ENPP2: variants seen among roughly 807,000 people sequenced by gnomAD.
ENPP2 encodes autotaxin.
A neutral mutation model predicts 120.2 loss-of-function variants in ENPP2; 51 were observed. The observed-to-expected ratio is 0.42, with a 90% CI of 0.34 to 0.54. ENPP2 has a LOEUF of 0.54. ENPP2 is among the 20% of genes least tolerant of loss of function. The pLI is 0.04. For missense variants in ENPP2, 920 were observed against 1,066.5 expected (o/e 0.86, Z 1.91); for synonymous variants, 365 against 366.4 (o/e 1.00, Z 0.04).
At chr8:119,631,983 C>T (rs940855586) in intron 2 of ENPP2, among the ~76,000 whole-genome samples, 1 of 152,168 alleles carries the variant, frequency 6.6e-6, no homozygotes, top group Non-Finnish European at 1.5e-5. Context: ...TTTCCAGGCT[C>T]GCCCAAGCCA....
At chr8:119,647,283 C>CT (rs1817498624) in intron 1 of ENPP2, among the ~76,000 whole-genome samples, 1 of 152,204 alleles carries the variant, frequency 6.6e-6, no homozygotes, top group African/African-American at 2.4e-5. Flanking sequence ...GGGTGAGCCA[C>CT]TGCGCCCAGC....
At chr8:119,633,634 T>C (rs1816816245) in intron 2 of ENPP2, among the ~76,000 whole-genome samples, 1 of 152,004 alleles carries the variant, frequency 6.6e-6, no homozygotes, top group Non-Finnish European at 1.5e-5. Context: ...CTGGTCATAC[T>C]TTTTTCGTAT....
At chr8:119,559,126 G>T (rs887868357) in intron 24 of ENPP2, among the ~76,000 whole-genome samples, 1 of 152,202 alleles carries the variant, frequency 6.6e-6, no homozygotes, top group South Asian at 2.1e-4. Context: ...AGATCTCTGC[G>T]ATTCACAGGA....
chr8:119,665,300 G>T (rs1818037433), intron 1 of ENPP2, among the ~76,000 whole-genome samples: 1 of 152,136 alleles, frequency 6.6e-6, no homozygotes, highest in Non-Finnish European at 1.5e-5. Context: ...CCCAAAGCCT[G>T]CTTCTCCTCA....
intron 1 of ENPP2, among the ~76,000 whole-genome samples, chr8:119,645,574 C>T (rs1817420405): frequency 6.6e-6 from 1 of 152,126 alleles, no homozygotes; most frequent in South Asian, 2.1e-4. Context: ...CCTGTAATCC[C>T]AGTACTTTGG....
At chr8:119,618,760 C>T (rs111683906) in intron 5 of ENPP2, among the ~76,000 whole-genome samples, 1,543 of 151,820 alleles carry the variant, frequency 0.01, 5 homozygotes, top group Non-Finnish European at 0.015. Context: ...GTCTCAAACT[C>T]CTGACCTCAA....
intron 15 of ENPP2, among the ~76,000 whole-genome samples, chr8:119,584,478 C>T (rs1812970158): frequency 6.6e-6 from 1 of 152,026 alleles, no homozygotes; most frequent in Non-Finnish European, 1.5e-5. Flanking sequence ...GATGTCTCAC[C>T]TATTATATAC....
At chr8:119,659,937 C>T (rs929516292) in intron 1 of ENPP2, among the ~76,000 whole-genome samples, 2 of 152,122 alleles carry the variant, frequency 1.3e-5, no homozygotes, top group African/African-American at 2.4e-5. Flanking sequence ...GGTTCAGGGT[C>T]CAGCAATCAC....
intron 23 of ENPP2, 83 bp downstream of exon 23, chr8:119,564,740 C>G: frequency 8.3e-7 from 1 of 1,200,812 alleles, no homozygotes. Flanking sequence ...CATCTCTTCT[C>G]TAGTATATGA....
intron 2 of ENPP2, among the ~76,000 whole-genome samples, chr8:119,627,268 A>G (rs2130781145): frequency 6.6e-6 from 1 of 152,338 alleles, no homozygotes; most frequent in East Asian, 1.9e-4. Context: ...TGTTTTACAA[A>G]TACAAGCTCT....
At chr8:119,659,266 G>A (rs1205598410) in intron 1 of ENPP2, among the ~76,000 whole-genome samples, 1 of 144,470 alleles carries the variant, frequency 6.9e-6, no homozygotes, top group Non-Finnish European at 1.5e-5. Context: ...GCAGTGAACC[G>A]AGGTGGTGCC....
intron 1 of ENPP2, among the ~76,000 whole-genome samples, chr8:119,656,014 C>T (rs1817757220): frequency 6.6e-6 from 1 of 152,214 alleles, no homozygotes; most frequent in African/African-American, 2.4e-5. Context: ...TTGCTCCCAG[C>T]TGCAGGTTGG....
chr8:119,614,098 G>A (rs754640966), intron 8 of ENPP2, among the ~76,000 whole-genome samples: 10 of 128,526 alleles, frequency 7.8e-5, no homozygotes, highest in South Asian at 2.5e-4. Flanking sequence ...ATGGAGTCTC[G>A]CACTGTCACC....
At chr8:119,577,107 G>A (rs1041738422) in intron 19 of ENPP2, among the ~76,000 whole-genome samples, 1 of 152,130 alleles carries the variant, frequency 6.6e-6, no homozygotes, top group African/African-American at 2.4e-5. Flanking sequence ...CATTAAAACA[G>A]TCACATATAA....
At chr8:119,640,905 C>A (rs1047576836), upstream of ENPP2, among the ~76,000 whole-genome samples, 1 of 152,082 alleles carries the variant, frequency 6.6e-6, no homozygotes, top group African/African-American at 2.4e-5. Flanking sequence ...TGCCAACACG[C>A]CTGGCTAATT....
intron 2 of ENPP2, among the ~76,000 whole-genome samples, chr8:119,634,477 T>C (rs536934720): frequency 2.0e-5 from 3 of 152,334 alleles, no homozygotes; most frequent in Non-Finnish European, 4.4e-5. Context: ...TCAAACCTAA[T>C]TGAAGATTAA....
In ENPP2 at chr8:119,605,430, ATGTG is replaced by A. The variant is rs573767269; in HGVS notation, c.833+2488_833+2491del. Among the ~76,000 whole-genome samples the A allele has an allele frequency of 1.1e-3, 150 of 133,808 alleles. 2 individuals carry two copies. The highest frequency in any genetic ancestry group is 5.3e-3 in the East Asian group (24 of 4,486). The allele number at this position is 133,808 out of a possible 152,430, so 87.8% of individuals were successfully genotyped here. A position where few individuals can be genotyped will look rare whatever the true frequency, so the allele number is the denominator to read the frequency against. On this transcript the variant is annotated intron_variant, in intron 9 of 24. Transcript: ENST00000075322. ...ACATCCCATGATGAAGATACCATAT[ATGTG>A]TGTGTGTGTGTGTGTGTGTGTGTGT...
chr8:119,614,474 C>T (rs1287673558), intron 8 of ENPP2, among the ~76,000 whole-genome samples: 4 of 152,102 alleles, frequency 2.6e-5, no homozygotes, highest in Non-Finnish European at 5.9e-5. Context: ...TGGTCAGATG[C>T]GTCAACTTTG....
chr8:119,580,383 A>G, intron 18 of ENPP2: 1 of 574,990 alleles, frequency 1.7e-6, no homozygotes. Flanking sequence ...CACCTTCTTC[A>G]ATCTCTGTTT....
Sources: gnomAD v4.1 joint callset for allele counts (sites outside exome capture counted in the v4.1 genomes callset) on GRCh38, gnomAD v4.1.1 for gene constraint, MANE v1.5 for transcripts, NCBI Gene and HGNC (gene_info 2026-07-23, HGNC 2026-07-21) for gene names.